GALNT9: variants seen among roughly 807,000 people sequenced by gnomAD.
GALNT9 encodes GalNAc transferase 9.
Under a neutral mutation model 63.1 loss-of-function variants are expected in GALNT9, and 47 were observed. The observed-to-expected ratio is 0.75, with a 90% CI of 0.59 to 0.95. GALNT9 has a LOEUF of 0.95. Among genes scored for constraint, GALNT9 ranks in the 40% least tolerant of loss-of-function variants. The pLI is 0.00. For missense variants in GALNT9, 829 were observed against 874.8 expected, an observed-to-expected ratio of 0.95 and a Z score of 0.66; for synonymous variants, 396 against 365.7, an observed-to-expected ratio of 1.08 and a Z score of -0.94.
intron 6 of GALNT9, among the ~76,000 whole-genome samples, chr12:132,231,245 C>T (rs1465740313): frequency 1.6e-4 from 6 of 38,242 alleles, no homozygotes; most frequent in South Asian, 1.6e-3. Context: ...GAGGAGACAG[C>T]GTGGAGTCCC....
chr12:132,211,970 G>A (rs868711146), intron 6 of GALNT9, among the ~76,000 whole-genome samples: 3 of 152,254 alleles, frequency 2.0e-5, no homozygotes, highest in African/African-American at 7.2e-5. Context: ...AGGTGCTGCT[G>A]GGACCATGTC....
intron 2 of GALNT9, chr12:132,280,341 C>T (rs1337402656): frequency 2.0e-5 from 3 of 152,236 alleles, no homozygotes. Flanking sequence ...TGAGGAGATG[C>T]CTGAAGGACA....
intron 6 of GALNT9, among the ~76,000 whole-genome samples, chr12:132,226,129 A>G (rs1481661377): frequency 7.0e-6 from 1 of 143,518 alleles, no homozygotes; most frequent in Non-Finnish European, 1.5e-5. Context: ...CACACACCCC[A>G]CACTGTACAT....
rs1029142198 is a variant in GALNT9 at position 132,236,890 on chromosome 12, G to A, written c.1077+11020C>T. ...TGTGGCATCGGGATGGGAAAGCCAT[G>A]TGGGTGCTGGTCGTGTGGCCTCCCA... On this transcript the variant is annotated intron_variant, in intron 6 of 10. Transcript: ENST00000328957. This position sits in a 1 kb window ranked among gnomAD's most constrained non-coding sequence, Gnocchi z 5.6. Among the ~76,000 whole-genome samples the A allele has an allele frequency of 3.3e-5, 5 of 152,182 alleles. No homozygotes were observed. The highest frequency in any genetic ancestry group is 1.5e-5 in the Non-Finnish European group (1 of 68,032).
chr12:132,297,744 A>G lies in GALNT9; in HGVS notation c.239-11314T>C, dbSNP rs2135571902. ...CTCCCAAGATAACCAACACACTCCC[A>G]TGAAAACCAACTCCCTCCTGAGACA... On this transcript the variant is annotated intron_variant, in intron 1 of 10. Transcript: ENST00000328957. Among the ~76,000 whole-genome samples, 2 of 151,932 alleles carry G rather than the reference A, an allele frequency of 1.3e-5. 1 individual carries two copies. Among genetic ancestry groups the G allele is most frequent in the Admixed American group, 1.3e-4 (2 of 15,272 alleles).
At chr12:132,237,822 C>T (rs1224237836) in intron 6 of GALNT9, among the ~76,000 whole-genome samples, 1 of 152,236 alleles carries the variant, frequency 6.6e-6, no homozygotes, top group Non-Finnish European at 1.5e-5. Flanking sequence ...CCCGAGCGGA[C>T]AGGCATCTGC....
At chr12:132,304,433 TCGCCCGGGCACACCCTCGCCC>T (rs1881475803) in intron 1 of GALNT9, among the ~76,000 whole-genome samples, 1 of 52,392 alleles carries the variant, frequency 1.9e-5, no homozygotes, top group Non-Finnish European at 3.8e-5. Context: ...GGGCACAGCC[TCGCCCGGGCACACCCTCGCCC>T]GGGCACAGCC....
chr12:132,256,496 A>G (rs1593087470), intron 5 of GALNT9, among the ~76,000 whole-genome samples: 1 of 149,374 alleles, frequency 6.7e-6, no homozygotes, highest in East Asian at 2.0e-4. Context: ...AAGCCTTTGC[A>G]TGTACGCATG....
chr12:132,314,170 C>T (rs555495339), intron 1 of GALNT9, among the ~76,000 whole-genome samples: 1 of 129,550 alleles, frequency 7.7e-6, no homozygotes, highest in African/African-American at 3.0e-5. Flanking sequence ...ATCCACCTAC[C>T]CACCATCATC....
intron 4 of GALNT9, among the ~76,000 whole-genome samples, 164 bp downstream of exon 4, chr12:132,260,784 G>A (rs1386949649): frequency 6.6e-6 from 1 of 152,242 alleles, no homozygotes; most frequent in Non-Finnish European, 1.5e-5. Flanking sequence ...AACCGCACAG[G>A]TGGACTCAGT....
In GALNT9 at chr12:132,286,072, G is replaced by A. The variant is rs979100833; in HGVS notation, c.419+178C>T. On this transcript the variant is annotated intron_variant, in intron 2 of 10. Transcript: ENST00000328957. The surrounding 1 kb of genome is among the most constrained non-coding windows in gnomAD (Gnocchi z 7.4). ...AGCACGGGGGAGCGCTCACTTTCCC[G>A]GCCAGCGTGGGGGGCGGTCACTTCC... Among the ~76,000 whole-genome samples the A allele has an allele frequency of 2.0e-5, 3 of 151,784 alleles. No homozygotes were observed. Among genetic ancestry groups the A allele is most frequent in the East Asian group, 1.9e-4 (1 of 5,150 alleles).
At chr12:132,260,874 G>C (rs898899421) in intron 4 of GALNT9, 74 bp downstream of exon 4, 7 of 1,442,330 alleles carry the variant, frequency 4.9e-6, no homozygotes, top group Non-Finnish European at 6.3e-6. Flanking sequence ...GGCTGCAGCC[G>C]CACGGCGGCT....
At chr12:132,270,825 G>T (rs556415470) in intron 2 of GALNT9, among the ~76,000 whole-genome samples, 1 of 152,110 alleles carries the variant, frequency 6.6e-6, no homozygotes, top group African/African-American at 2.4e-5. Flanking sequence ...GAGGAAGAGC[G>T]GGAGAAAAGA....
chr12:132,258,455 C>A (rs1295138078), intron 4 of GALNT9, among the ~76,000 whole-genome samples: 1 of 149,450 alleles, frequency 6.7e-6, no homozygotes, highest in South Asian at 2.1e-4. Context: ...GTGGAACCTG[C>A]ATGAGTGTGC....
intron 1 of GALNT9, among the ~76,000 whole-genome samples, chr12:132,323,547 G>A (rs568488999): frequency 1.3e-5 from 2 of 152,368 alleles, no homozygotes; most frequent in South Asian, 2.1e-4. Flanking sequence ...TGGGGGCAGC[G>A]ATGGGGAGGA....
intron 6 of GALNT9, among the ~76,000 whole-genome samples, chr12:132,230,684 G>A (rs1877857075): frequency 6.6e-6 from 1 of 152,252 alleles, no homozygotes; most frequent in Non-Finnish European, 1.5e-5. Context: ...GAAGGGTGAG[G>A]CCCGGTCCTC....
At chr12:132,197,306 T>A in intron 10 of GALNT9, 53 bp from the exon 11 acceptor site, 14 of 1,587,654 alleles carry the variant, frequency 8.8e-6, no homozygotes, top group Non-Finnish European at 1.2e-5. Flanking sequence ...TTGTTCCCCC[T>A]CCCCCCACCT....
In GALNT9 at chr12:132,245,299, G is replaced by A. The variant is rs949419083; in HGVS notation, c.1077+2611C>T. Among the ~76,000 whole-genome samples, 6 of 152,090 alleles carry A rather than the reference G, an allele frequency of 3.9e-5. No homozygotes were observed. Among genetic ancestry groups the A allele is most frequent in the Non-Finnish European group, 4.4e-5 (3 of 68,010 alleles). ...TCTACTAAAAGTACAAAAATTAGCC[G>A]GGCATGGTGGCATGTGCCTGTGGTG... On this transcript the variant is annotated intron_variant, in intron 6 of 10. Coordinates refer to ENST00000328957, the MANE Select transcript of GALNT9 (RefSeq NM_001122636.2). This position sits in a 1 kb window ranked among gnomAD's most constrained non-coding sequence, Gnocchi z 6.3.
Position 132,230,432 on chromosome 12 carries a change from G to A in GALNT9, c.1077+17478C>T, listed in dbSNP as rs1046964389. Among the ~76,000 whole-genome samples the A allele has an allele frequency of 2.4e-4, 36 of 152,346 alleles. No homozygotes were observed. The South Asian group carries it at 3.3e-3, about 14-fold the overall frequency. ...CTGCAGGGGGGTTTGGTGGGTCTAC[G>A]GGCACCTGGCGTTCGCTGCCAGATC... On this transcript the variant is annotated intron_variant, in intron 6 of 10. Transcript: ENST00000328957.
Sources: gnomAD v4.1 joint callset for allele counts (sites outside exome capture counted in the v4.1 genomes callset) on GRCh38, gnomAD v4.1.1 for gene constraint, Gnocchi (gnomAD v3.1) non-coding constraint, MANE v1.5 for transcripts, NCBI Gene and HGNC (gene_info 2026-07-23, HGNC 2026-07-21) for gene names.